Variants in ITGB8 observed in about 807,000 individuals in gnomAD.
ITGB8 encodes integrin subunit beta 8, also known as integrin beta-8.
Under a neutral mutation model 89.5 loss-of-function variants are expected in ITGB8, and 30 were observed. The ratio of observed to expected loss-of-function variants is 0.34; its 90% CI spans 0.25 to 0.45. ITGB8 has a LOEUF of 0.45. ITGB8 is among the 20% of genes least tolerant of loss of function. The pLI, the probability that ITGB8 is intolerant of heterozygous loss-of-function variation, is 1.00. For missense variants in ITGB8, 836 were observed against 933.3 expected (o/e 0.90, Z 1.36); for synonymous variants, 335 against 320.4 (o/e 1.05, Z -0.49).
At position 20,404,858 on chromosome 7, in the gene ITGB8, G is replaced by A. The variant is rs1383048190; in HGVS notation, c.1913+5G>A. 1.2e-6 allele frequency: 2 copies of A among 1,612,814 alleles called. No individual in the cohort carries two copies. The highest frequency in any genetic ancestry group is 2.2e-5 in the South Asian group (2 of 91,026). On this transcript the variant is annotated splice_donor_5th_base_variant and intron_variant, in intron 11 of 13. Coordinates refer to ENST00000222573, the MANE Select transcript of ITGB8 (RefSeq NM_002214.3). ...TACAGCCTGCAAGGAAAACTGGTAT[G>A]ATTTCTTTGACTCCAAACATACACA...
At chr7:20,332,473 A>G (rs529597686) in intron 1 of ITGB8, among the ~76,000 whole-genome samples, 92 of 146,770 alleles carry the variant, frequency 6.3e-4, no homozygotes, top group African/African-American at 2.2e-3. Context: ...TTAATGCTTT[A>G]AGTCATCATC....
rs541485656 is a variant in ITGB8, at chr7:20,411,895, A to T, written c.*1898A>T. ...CGGGCCATGAGCCCTGTCTTCCCCA[A>T]TGGAAATTTATTTACACTTACCTTA... On this transcript the variant is annotated 3_prime_UTR_variant, in exon 14 of 14. Transcript: ENST00000222573. 2 of 152,446 alleles carry T rather than the reference A, an allele frequency of 1.3e-5. No homozygotes were observed. The highest frequency in any genetic ancestry group is 2.9e-5 in the Non-Finnish European group (2 of 68,046). The allele number at this position is 152,446 out of a possible 1,614,324, so 9.4% of individuals were successfully genotyped here.
At chr7:20,370,854 T>C (rs1357568759) in intron 3 of ITGB8, among the ~76,000 whole-genome samples, 2 of 152,132 alleles carry the variant, frequency 1.3e-5, no homozygotes, top group Non-Finnish European at 2.9e-5. Context: ...ACTCAGGTGA[T>C]CCACCAGCCT....
In ITGB8 at chr7:20,405,598, G is replaced by A. The variant is rs935966201; in HGVS notation, c.1914-464G>A. Among the ~76,000 whole-genome samples, 75 of 151,914 alleles carry A rather than the reference G, an allele frequency of 4.9e-4. 1 individual carries two copies. The highest frequency in any genetic ancestry group is 1.7e-3 in the African/African-American group (72 of 41,444). On this transcript the variant is annotated intron_variant, in intron 11 of 13. Transcript: ENST00000222573. ...CTCCCAAAGTGCTGGGATTACAGGC[G>A]TGAGCCACTGCGCCCGGCCTTATTT...
intron 3 of ITGB8, among the ~76,000 whole-genome samples, chr7:20,376,159 C>A (rs1051632008): frequency 2.6e-5 from 4 of 152,130 alleles, no homozygotes; most frequent in Admixed American, 6.5e-5. Flanking sequence ...CCTGTCAGGG[C>A]AGGGATCCAT....
chr7:20,410,663 TTTC>T lies in ITGB8; in HGVS notation c.*669_*671del, dbSNP rs1177524736. The T allele has an allele frequency of 6.5e-6, 1 of 152,696 alleles. No homozygotes were observed. The highest frequency in any genetic ancestry group is 2.4e-5 in the African/African-American group (1 of 41,474). 9.5% of individuals were successfully genotyped at this position (152,696 alleles called of 1,614,324 possible). The stretch of plus-strand genomic sequence containing the variant: ...TCTCCTCTTTGCCTTTATGTTTTGT[TTTC>T]TTTTTTACAGGATAAGTTTATGTAT... On this transcript the variant is annotated 3_prime_UTR_variant, in exon 14 of 14. Coordinates refer to ENST00000222573, the MANE Select transcript of ITGB8 (RefSeq NM_002214.3).
intron 1 of ITGB8, among the ~76,000 whole-genome samples, chr7:20,359,613 A>G (rs1410181720): frequency 6.6e-6 from 1 of 151,918 alleles, no homozygotes; most frequent in Non-Finnish European, 1.5e-5. Context: ...CAGTGTAGAG[A>G]TTTTTACTTT....
At chr7:20,330,411 G>C (rs1275885245), upstream of ITGB8, among the ~76,000 whole-genome samples, 1 of 152,170 alleles carries the variant, frequency 6.6e-6, no homozygotes, top group Non-Finnish European at 1.5e-5. Flanking sequence ...GCGGGGGTGA[G>C]AGATTGGGGT....
intron 3 of ITGB8, chr7:20,377,468 C>A (rs897174762): frequency 6.6e-6 from 1 of 152,190 alleles, no homozygotes; most frequent in Non-Finnish European, 1.5e-5. Context: ...AACCGCTCTC[C>A]CAGTAGTGTT....
intron 3 of ITGB8, among the ~76,000 whole-genome samples, chr7:20,377,817 G>A (rs1264176395): frequency 6.6e-6 from 1 of 152,088 alleles, no homozygotes; most frequent in Non-Finnish European, 1.5e-5. Flanking sequence ...TTATATACCA[G>A]CAAAACCTTA....
chr7:20,401,627 G>A lies in ITGB8; in HGVS notation c.1282-94G>A, dbSNP rs1214149399. Reference sequence around the variant, plus strand: ...CAAATATCGTTAATTTCTCTAAGATGGTTTCTTATCAATTCAGTTATTAAC... The same window carrying A: ...CAAATATCGTTAATTTCTCTAAGATAGTTTCTTATCAATTCAGTTATTAAC... On this transcript the variant is annotated intron_variant, in intron 9 of 13. Transcript: ENST00000222573. 3 of 692,934 alleles carry A rather than the reference G, an allele frequency of 4.3e-6. No homozygotes were observed. The African/African-American group carries it at 5.4e-5, about 13-fold the overall frequency. The allele number at this position is 692,934 out of a possible 1,614,324, so 42.9% of individuals were successfully genotyped here.
chr7:20,381,845 G>C lies in ITGB8; in HGVS notation c.920G>C (p.Cys307Ser). Reference protein sequence around the residue: ...AGIVVPNDGNCHLKNNVYVKS... With the variant: ...AGIVVPNDGNSHLKNNVYVKS... ...ATAGTGGTGCCCAATGACGGAAACTGTCATCTGAAAAACAACGTCTATGTC... is the reference window on the plus strand; with the variant it reads ...ATAGTGGTGCCCAATGACGGAAACTCTCATCTGAAAAACAACGTCTATGTC... The change falls in exon 6 of 14, where the codon TGT (cysteine) becomes TCT (serine). Residue 307 changes from cysteine (C) to serine (S), a missense_variant. Cys to Ser is a moderately radical substitution (Grantham distance 112). Transcript: ENST00000222573. 6.2e-7 allele frequency: 1 copy of C among 1,613,642 alleles called. No individual in the cohort carries two copies. Among genetic ancestry groups the C allele is most frequent in the South Asian group, 1.1e-5 (1 of 90,964 alleles).
intron 3 of ITGB8, among the ~76,000 whole-genome samples, chr7:20,373,188 A>T (rs1786004882): frequency 6.6e-6 from 1 of 152,222 alleles, no homozygotes; most frequent in Admixed American, 6.5e-5. Context: ...TTCTTAAAAA[A>T]TGTTAGTAGG....
intron 6 of ITGB8, 50 bp downstream of exon 6, chr7:20,381,935 C>T (rs371961082): frequency 9.4e-6 from 14 of 1,490,082 alleles, no homozygotes; most frequent in Middle Eastern, 3.5e-4. Context: ...GGTTAAAGTA[C>T]AATTTTAAAT....
intron 1 of ITGB8, among the ~76,000 whole-genome samples, chr7:20,355,602 A>G (rs985995016): frequency 2.0e-5 from 3 of 152,220 alleles, no homozygotes; most frequent in Non-Finnish European, 4.4e-5. Flanking sequence ...ATACTATTGT[A>G]GGTTTTTCTA....
chr7:20,373,677 A>C (rs1786023811), intron 3 of ITGB8, among the ~76,000 whole-genome samples: 1 of 152,168 alleles, frequency 6.6e-6, no homozygotes, highest in Non-Finnish European at 1.5e-5. Flanking sequence ...AATGTACTGG[A>C]GTCTGTACCT....
In ITGB8 at chr7:20,403,785, A is replaced by G. The variant is rs1246107953; in HGVS notation, c.1688-843A>G. Among the ~76,000 whole-genome samples, 7 of 19,250 alleles carry G rather than the reference A, an allele frequency of 3.6e-4. No individual in the cohort carries two copies. In the East Asian group the frequency reaches 0.067, roughly 185 times the overall value. The allele number at this position is 19,250 out of a possible 152,430, so 12.6% of individuals were successfully genotyped here. On this transcript the variant is annotated intron_variant, in intron 10 of 13. Coordinates refer to ENST00000222573, the MANE Select transcript of ITGB8 (RefSeq NM_002214.3). The stretch of plus-strand genomic sequence containing the variant: ...AAGGGAGGGAAGGAAGGAGGAAGGA[A>G]GGGAGAGGGAGAAAAGAGGAAGGTT...
At chr7:20,352,471 A>C (rs1372005715) in intron 1 of ITGB8, 1 of 152,246 alleles carries the variant, frequency 6.6e-6, no homozygotes, top group Non-Finnish European at 1.5e-5. Flanking sequence ...CTGAAAAATC[A>C]GTTTCAAACA....
chr7:20,337,038 T>C (rs1462419777), intron 1 of ITGB8, among the ~76,000 whole-genome samples: 1 of 152,214 alleles, frequency 6.6e-6, no homozygotes. Flanking sequence ...AGCAGTCTCT[T>C]GACCTTCTGG....
Sources: gnomAD v4.1 joint callset for allele counts (sites outside exome capture counted in the v4.1 genomes callset) on GRCh38, gnomAD v4.1.1 for gene constraint, MANE v1.5 for transcripts, NCBI Gene and HGNC (gene_info 2026-07-23, HGNC 2026-07-21) for gene names.